The following EFCAB11 variants were observed in gnomAD, a reference collection of about 807,000 sequenced individuals.
EFCAB11 encodes the protein EF-hand calcium binding domain 11.
EFCAB11 carries 14 observed loss-of-function variants against 23.0 expected under a neutral mutation model. That is an observed-to-expected ratio of 0.61 (90% CI 0.40 to 0.95). The LOEUF is 0.95. Ranked by LOEUF, EFCAB11 falls within the 40% of genes least tolerant of loss-of-function variation. EFCAB11 has a pLI of 0.00. For missense variants in EFCAB11, 198 were observed against 195.8 expected (o/e 1.01, Z -0.07); for synonymous variants, 65 against 66.6 (o/e 0.98, Z 0.11).
intron 5 of EFCAB11, among the ~76,000 whole-genome samples, chr14:89,872,854 G>GACACAC (rs34058468): frequency 2.6e-3 from 384 of 148,868 alleles, no homozygotes; most frequent in Non-Finnish European, 4.9e-3. Flanking sequence ...AAGAGATTAG[G>GACACAC]ACACACACAC....
At chr14:89,900,871 G>C (rs1268450314) in intron 5 of EFCAB11, among the ~76,000 whole-genome samples, 2 of 152,134 alleles carry the variant, frequency 1.3e-5, no homozygotes, top group Non-Finnish European at 2.9e-5. Context: ...TCTGAAGGAA[G>C]ATTCAATAAC....
chr14:89,809,591 G>GATATTTATT (rs1886084375), intron 5 of EFCAB11, among the ~76,000 whole-genome samples: 1 of 152,180 alleles, frequency 6.6e-6, no homozygotes, highest in African/African-American at 2.4e-5. Flanking sequence ...GCTATTTCAG[G>GATATTTATT]ATATTTATTA....
intron 5 of EFCAB11, among the ~76,000 whole-genome samples, chr14:89,927,656 T>C (rs1890237170): frequency 6.6e-6 from 1 of 152,238 alleles, no homozygotes; most frequent in Non-Finnish European, 1.5e-5. Context: ...TCTGTTTCTT[T>C]GGCCTACTTC....
chr14:89,933,151 G>T (rs1890455163), intron 3 of EFCAB11, among the ~76,000 whole-genome samples: 1 of 152,070 alleles, frequency 6.6e-6, no homozygotes, highest in African/African-American at 2.4e-5. Context: ...AATACAGCTG[G>T]CACCATCTCC....
chr14:89,954,029 A>C, intron 1 of EFCAB11, 28 bp from the exon 2 acceptor site: 1 of 1,577,936 alleles, frequency 6.3e-7, no homozygotes, highest in Non-Finnish European at 8.7e-7. Context: ...GCTTTAGTTA[A>C]TGAGACAGAA....
At chr14:89,905,644 A>G (rs552966241) in intron 5 of EFCAB11, among the ~76,000 whole-genome samples, 10 of 152,206 alleles carry the variant, frequency 6.6e-5, no homozygotes, top group Non-Finnish European at 1.2e-4. Context: ...ATGCGCACAA[A>G]GTATTTAGGT....
intron 5 of EFCAB11, among the ~76,000 whole-genome samples, chr14:89,873,168 G>A (rs970119215): frequency 1.1e-4 from 16 of 152,180 alleles, no homozygotes; most frequent in Non-Finnish European, 2.1e-4. Context: ...ATGGTGGAAG[G>A]TGAAGGAGGA....
intron 5 of EFCAB11, among the ~76,000 whole-genome samples, chr14:89,881,516 C>T (rs1272870689): frequency 2.5e-5 from 3 of 120,872 alleles, no homozygotes; most frequent in East Asian, 4.9e-4. Flanking sequence ...GGTATAATCT[C>T]GGCTCACTGC....
chr14:89,881,957 G>A (rs1888615382), intron 5 of EFCAB11, among the ~76,000 whole-genome samples: 1 of 152,192 alleles, frequency 6.6e-6, no homozygotes, highest in Admixed American at 6.5e-5. Flanking sequence ...CATAAGCAAT[G>A]TAGTATTACT....
At chr14:89,927,605 T>C (rs576484534) in intron 5 of EFCAB11, among the ~76,000 whole-genome samples, 1 of 152,380 alleles carries the variant, frequency 6.6e-6, no homozygotes, top group South Asian at 2.1e-4. Flanking sequence ...GAAAATTGTT[T>C]GCATGACTGA....
At chr14:89,926,082 T>C (rs1056759092) in intron 5 of EFCAB11, among the ~76,000 whole-genome samples, 5 of 152,092 alleles carry the variant, frequency 3.3e-5, no homozygotes, top group African/African-American at 1.2e-4. Flanking sequence ...TCCCAAAGTG[T>C]TGGATTACAG....
At chr14:89,892,676 C>T (rs879379526) in intron 5 of EFCAB11, among the ~76,000 whole-genome samples, 7 of 152,054 alleles carry the variant, frequency 4.6e-5, no homozygotes, top group Non-Finnish European at 1.0e-4. Flanking sequence ...CCAAGGACAG[C>T]GGATCACCTG....
At position 89,795,739 on chromosome 14, in the gene EFCAB11, T is replaced by A. The variant is rs1364321152; in HGVS notation, c.*1504A>T. On this transcript the variant is annotated 3_prime_UTR_variant, in exon 6 of 6. Coordinates refer to ENST00000316738, the MANE Select transcript of EFCAB11 (RefSeq NM_145231.4). ...TTTGTATGATAATGACGCTTAATGT[T>A]TCCATATTACAAATTTACAATTTTA... is the stretch of plus-strand genomic sequence containing the variant. 1 of 152,242 alleles carries A rather than the reference T, an allele frequency of 6.6e-6. No homozygotes were observed. Among genetic ancestry groups the A allele is most frequent in the Non-Finnish European group, 1.5e-5 (1 of 68,036 alleles). 9.4% of individuals were successfully genotyped at this position (152,242 alleles called of 1,614,324 possible). A position where few individuals can be genotyped will look rare whatever the true frequency, so the allele number is the denominator to read the frequency against.
intron 5 of EFCAB11, among the ~76,000 whole-genome samples, chr14:89,910,415 T>A (rs1169913702): frequency 1.3e-5 from 2 of 152,094 alleles, no homozygotes; most frequent in Non-Finnish European, 2.9e-5. Flanking sequence ...CTGGCCAACA[T>A]GGTGAAACCC....
chr14:89,944,899 T>C (rs1890914550), intron 3 of EFCAB11, among the ~76,000 whole-genome samples: 1 of 144,734 alleles, frequency 6.9e-6, no homozygotes, highest in Admixed American at 6.9e-5. Context: ...GATCTAATAA[T>C]AAATCTAATA....
intron 5 of EFCAB11, among the ~76,000 whole-genome samples, chr14:89,803,077 T>C (rs747418587): frequency 6.6e-6 from 1 of 152,026 alleles, no homozygotes; most frequent in Non-Finnish European, 1.5e-5. Flanking sequence ...CCACCCCTCA[T>C]GCCCAATCGT....
intron 2 of EFCAB11, 140 bp from the exon 3 acceptor site, chr14:89,950,282 C>A: frequency 1.2e-6 from 1 of 848,348 alleles, no homozygotes; most frequent in South Asian, 1.9e-5. Flanking sequence ...TAATGATACA[C>A]AATAGCTATA....
At chr14:89,816,351 G>A (rs1244361254) in intron 5 of EFCAB11, among the ~76,000 whole-genome samples, 3 of 151,924 alleles carry the variant, frequency 2.0e-5, no homozygotes, top group Admixed American at 6.6e-5. Context: ...TTTCCTTTAG[G>A]AACATGACAA....
chr14:89,941,584 C>CT (rs201529202), intron 3 of EFCAB11, among the ~76,000 whole-genome samples: 23,309 of 142,564 alleles, frequency 0.16, 2,411 homozygotes, highest in African/African-American at 0.28. Flanking sequence ...CTTTTTAGTA[C>CT]TTTTTTTTTT....
Sources: gnomAD v4.1 joint callset for allele counts (sites outside exome capture counted in the v4.1 genomes callset) on GRCh38, gnomAD v4.1.1 for gene constraint, MANE v1.5 for transcripts, NCBI Gene and HGNC (gene_info 2026-07-23, HGNC 2026-07-21) for gene names.